Variants in PACS2 observed in about 807,000 individuals in gnomAD.
PACS2 encodes the protein PACS1-like protein.
In PACS2, 36 loss-of-function variants were observed where a neutral mutation model predicts 113.0. The observed-to-expected ratio is 0.32, with a 90% CI of 0.24 to 0.42. The LOEUF is 0.42. PACS2 is among the 10% of genes least tolerant of loss of function. The pLI is 1.00. For synonymous variants in PACS2, 589 were observed against 536.1 expected, an observed-to-expected ratio of 1.10 and a Z score of -1.36; for missense variants, 1,015 against 1,239.5, an observed-to-expected ratio of 0.82 and a Z score of 2.72.
chr14:105,341,613 G>A (rs1263022488), intron 1 of PACS2, among the ~76,000 whole-genome samples: 8 of 152,176 alleles, frequency 5.3e-5, no homozygotes, highest in East Asian at 1.9e-4. Context: ...TTTAGGCCTC[G>A]CTCTCAGAAC....
chr14:105,331,627 T>A (rs1192360355), intron 1 of PACS2, among the ~76,000 whole-genome samples: 1 of 152,218 alleles, frequency 6.6e-6, no homozygotes. Context: ...TGTAGTCCTT[T>A]TAACTGTTAC....
chr14:105,390,149 C>G, intron 20 of PACS2, 146 bp downstream of exon 20: 1 of 786,848 alleles, frequency 1.3e-6, no homozygotes, highest in Non-Finnish European at 2.3e-6. Flanking sequence ...TCTGGCCTGT[C>G]TCAAAGCTCG....
rs782624371 is a variant in PACS2, at chr14:105,383,254, G to A, written c.1626-105G>A. The stretch of plus-strand genomic sequence containing the variant: ...CTCCAGGGCAGTTGTGGCATGAGCG[G>A]CCACAGGCACGGAGCCCCCTGGGCT... On this transcript the variant is annotated intron_variant, in intron 15 of 24. Coordinates refer to ENST00000447393, the MANE Select transcript of PACS2 (RefSeq NM_001100913.3). The A allele has an allele frequency of 6.0e-6, 8 of 1,340,788 alleles. No homozygotes were observed. In the Admixed American group the frequency reaches 1.3e-4, roughly 23 times the overall value. The allele number at this position is 1,340,788 out of a possible 1,614,324, so 83.1% of individuals were successfully genotyped here.
In PACS2 at chr14:105,357,951, G is replaced by T. The variant is rs2060519636; in HGVS notation, c.423+2774G>T. ...GGCGGACTCGAGGCCAGGGCTGAGA[G>T]TGTGGTGGGAGAGGATGTGGGGGGC... On this transcript the variant is annotated intron_variant, in intron 4 of 24. Transcript: ENST00000447393. This position sits in a 1 kb window ranked among gnomAD's most constrained non-coding sequence, Gnocchi z 5.1. Among the ~76,000 whole-genome samples, 1 of 152,208 alleles carries T rather than the reference G, an allele frequency of 6.6e-6. No homozygotes were observed. Among genetic ancestry groups the T allele is most frequent in the South Asian group, 2.1e-4 (1 of 4,834 alleles).
chr14:105,353,219 CA>C (rs782185323), intron 3 of PACS2, among the ~76,000 whole-genome samples: 10 of 100,342 alleles, frequency 1.0e-4, no homozygotes, highest in African/African-American at 2.4e-4. Flanking sequence ...GGGTGATGGG[CA>C]CCCCCTCATC....
At position 105,381,906 on chromosome 14, in the gene PACS2, C is replaced by G. The variant is rs1446684062; in HGVS notation, c.1269-8C>G. The G allele has an allele frequency of 6.5e-7, 1 of 1,549,962 alleles. No individual in the cohort carries two copies. The highest frequency in any genetic ancestry group is 8.7e-7 in the Non-Finnish European group (1 of 1,146,652). ...CACAGCCACTTAGCCTGTCCTGGTC[C>G]CCAATAGGTCCGAGGGGAAGCAGGC... On this transcript the variant is annotated splice_polypyrimidine_tract_variant and splice_region_variant and intron_variant, in intron 12 of 24. Coordinates refer to ENST00000447393, the MANE Select transcript of PACS2 (RefSeq NM_001100913.3).
At chr14:105,383,643 G>C in intron 16 of PACS2, 130 bp downstream of exon 16, 1 of 773,366 alleles carries the variant, frequency 1.3e-6, no homozygotes, top group Non-Finnish European at 2.0e-6. Context: ...GGTGTGGCGC[G>C]GTGTGGCATG....
intron 18 of PACS2, 75 bp downstream of exon 18, chr14:105,385,062 TG>T: frequency 1.0e-6 from 1 of 957,212 alleles, no homozygotes; most frequent in Non-Finnish European, 1.6e-6. Context: ...CCCCACCCGC[TG>T]CTGGGCTTGG....
rs2060480706 is a variant in PACS2, at chr14:105,357,058, C to T, written c.423+1881C>T. 6.6e-6 allele frequency among the ~76,000 whole-genome samples: 1 copy of T among 152,214 alleles called. No homozygotes were observed. Among genetic ancestry groups the T allele is most frequent in the African/African-American group, 2.4e-5 (1 of 41,452 alleles). On this transcript the variant is annotated intron_variant, in intron 4 of 24. Coordinates refer to ENST00000447393, the MANE Select transcript of PACS2 (RefSeq NM_001100913.3). The surrounding 1 kb of genome is among the most constrained non-coding windows in gnomAD (Gnocchi z 5.1). ...GCTGATCCCTGCCGGTCCCTGTGAG[C>T]TCCTGCCCCAGGCTGCTCCGCCCAC...
At chr14:105,300,841 C>T (rs1458014231) in exon 1 of PACS2, 1 of 183,406 alleles carries the variant, frequency 5.5e-6, no homozygotes, top group Non-Finnish European at 1.1e-5. Flanking sequence ...GGGACAGGCA[C>T]CGGGACCACG....
rs587650220 is a variant in PACS2 at position 105,315,949 on chromosome 14, C to T, written c.119+912C>T. Among the ~76,000 whole-genome samples, 2 of 152,314 alleles carry T rather than the reference C, an allele frequency of 1.3e-5. No individual in the cohort carries two copies. The highest frequency in any genetic ancestry group is 4.8e-5 in the African/African-American group (2 of 41,564). ...GAGATGGGAGGGTGAGCGGACCTTCCAGGCACTGGAAGTGGCCAGTATGCC... is the reference window on the plus strand; with the variant it reads ...GAGATGGGAGGGTGAGCGGACCTTCTAGGCACTGGAAGTGGCCAGTATGCC... On this transcript the variant is annotated intron_variant, in intron 1 of 24. Coordinates refer to ENST00000447393, the MANE Select transcript of PACS2 (RefSeq NM_001100913.3). This position sits in a 1 kb window ranked among gnomAD's most constrained non-coding sequence, Gnocchi z 4.4.
chr14:105,383,691 A>G, intron 16 of PACS2, 178 bp downstream of exon 16: 1 of 585,736 alleles, frequency 1.7e-6, no homozygotes, highest in Admixed American at 3.4e-5. Flanking sequence ...TGTTGTTTTT[A>G]AATGTTTGTT....
chr14:105,303,317 C>T (rs2058090738), intron 1 of PACS2, among the ~76,000 whole-genome samples: 3 of 152,200 alleles, frequency 2.0e-5, no homozygotes, highest in Admixed American at 2.0e-4. Context: ...GATCTTGGCT[C>T]ACTGTAACCT....
rs148337393 is a variant in PACS2 at position 105,369,897 on chromosome 14, C to T, written c.798C>T (p.Asp266=). The T allele has an allele frequency of 7.2e-5, 115 of 1,602,012 alleles. No homozygotes were observed. In the African/African-American group the frequency reaches 1.4e-3, roughly 19 times the overall value. ...VALLRRFKVS[D]EVLDSEQDPA... ...TGCTGCGGAGGTTCAAAGTGTCCGA[C>T]GAGGTGAGTGCGCCGCGCCTTCTGC... Residue 266 remains aspartate, a synonymous_variant, in exon 8 of 25, where the codon GAC becomes GAT. Transcript: ENST00000447393.
chr14:105,315,151 C>T lies in PACS2; in HGVS notation c.119+114C>T. 5 of 546,482 alleles carry T rather than the reference C, an allele frequency of 9.1e-6. No homozygotes were observed. The highest frequency in any genetic ancestry group is 1.2e-5 in the Non-Finnish European group (5 of 420,560). The allele number at this position is 546,482 out of a possible 1,614,324, so 33.9% of individuals were successfully genotyped here. The stretch of plus-strand genomic sequence containing the variant: ...GGTCCCCCAGCGGAGCCCAGGTCGC[C>T]CCCCGCGCCCCCGCCCGCCGGTTCG... On this transcript the variant is annotated intron_variant, in intron 1 of 24. Coordinates refer to ENST00000447393, the MANE Select transcript of PACS2 (RefSeq NM_001100913.3). The surrounding 1 kb of genome is among the most constrained non-coding windows in gnomAD (Gnocchi z 4.4).
chr14:105,360,558 A>G (rs369097734), intron 4 of PACS2, among the ~76,000 whole-genome samples: 2 of 150,954 alleles, frequency 1.3e-5, no homozygotes, highest in East Asian at 3.9e-4. Context: ...AAAAAAAAAA[A>G]GAAAAGAAAA....
rs782128878 is a variant in PACS2, at chr14:105,367,427, T to C, written c.586+52T>C. ...CCCCTGCTGTGGGGAGGCCCTGCCT[T>C]CCAGCCATGGCACATCGGGTGGCAG... On this transcript the variant is annotated intron_variant, in intron 5 of 24. Coordinates refer to ENST00000447393, the MANE Select transcript of PACS2 (RefSeq NM_001100913.3). 24 of 1,566,880 alleles carry C rather than the reference T, an allele frequency of 1.5e-5. No homozygotes were observed. The African/African-American group carries it at 2.8e-4, about 19-fold the overall frequency.
chr14:105,365,304 G>GT lies in PACS2; in HGVS notation c.424-1909_424-1908insT, dbSNP rs2060904504. 6.6e-6 allele frequency among the ~76,000 whole-genome samples: 1 copy of GT among 152,220 alleles called. No homozygotes were observed. Among genetic ancestry groups the GT allele is most frequent in the Non-Finnish European group, 1.5e-5 (1 of 68,034 alleles). ...CTTGGCAGGAGGACGCACGCCCCAAGGAGCACTGTCAGGAGGAGAGGAACA... is the reference window on the plus strand; with the variant it reads ...CTTGGCAGGAGGACGCACGCCCCAAGTGAGCACTGTCAGGAGGAGAGGAACA... On this transcript the variant is annotated intron_variant, in intron 4 of 24. Coordinates refer to ENST00000447393, the MANE Select transcript of PACS2 (RefSeq NM_001100913.3). This position sits in a 1 kb window ranked among gnomAD's most constrained non-coding sequence, Gnocchi z 5.1.
At position 105,324,240 on chromosome 14, in the gene PACS2, G is replaced by A. The variant is rs969947772; in HGVS notation, c.119+9203G>A. On this transcript the variant is annotated intron_variant, in intron 1 of 24. Coordinates refer to ENST00000447393, the MANE Select transcript of PACS2 (RefSeq NM_001100913.3). This position sits in a 1 kb window ranked among gnomAD's most constrained non-coding sequence, Gnocchi z 4.7. ...GGGGGCTGCTGCAGAGAGCGGGTCT[G>A]CGGTCAGTCACAGTGACGGGGGTCT... 6.6e-6 allele frequency among the ~76,000 whole-genome samples: 1 copy of A among 152,200 alleles called. No homozygotes were observed. The highest frequency in any genetic ancestry group is 2.4e-5 in the African/African-American group (1 of 41,442).
Sources: allele counts gnomAD v4.1 joint callset (sites outside exome capture counted in the v4.1 genomes callset), GRCh38; gene constraint gnomAD v4.1.1; non-coding constraint Gnocchi (gnomAD v3.1); transcripts MANE v1.5; gene names NCBI Gene and HGNC (gene_info 2026-07-23, HGNC 2026-07-21).